KCNIP4: variants seen among roughly 807,000 people sequenced by gnomAD.
The protein encoded by KCNIP4 is potassium voltage-gated channel interacting protein 4.
Under a neutral mutation model 34.0 loss-of-function variants are expected in KCNIP4, and 12 were observed. The ratio of observed to expected loss-of-function variants is 0.35; its 90% CI spans 0.23 to 0.57. The LOEUF (loss-of-function observed/expected upper bound fraction) is 0.57, where lower values mean the gene tolerates loss of function less well. Ranked by LOEUF, KCNIP4 falls within the 20% of genes least tolerant of loss-of-function variation. The probability of loss-of-function intolerance (pLI) is 0.83; values close to 1 mark genes in which losing one functional copy is unlikely to be tolerated. For missense variants in KCNIP4, 238 were observed against 311.7 expected, an observed-to-expected ratio of 0.76 and a Z score of 1.78; for synonymous variants, 124 against 102.2, an observed-to-expected ratio of 1.21 and a Z score of -1.29.
At chr4:21,026,037 A>G (rs1382446381) in intron 1 of KCNIP4, among the ~76,000 whole-genome samples, 3 of 152,154 alleles carry the variant, frequency 2.0e-5, no homozygotes, top group Non-Finnish European at 4.4e-5. Context: ...CCCTGAAAAT[A>G]AAAACAAGTT....
At chr4:21,393,673 TC>T (rs1353737026) in intron 1 of KCNIP4, among the ~76,000 whole-genome samples, 3 of 152,186 alleles carry the variant, frequency 2.0e-5, no homozygotes, top group Admixed American at 1.3e-4. Context: ...TGAATTTTTT[TC>T]AATCAAAATT....
chr4:21,122,026 T>A (rs543867046), intron 1 of KCNIP4, among the ~76,000 whole-genome samples: 5 of 152,330 alleles, frequency 3.3e-5, no homozygotes, highest in African/African-American at 4.8e-5. Context: ...TCCTTCATCA[T>A]AAAGAGTTCA....
intron 1 of KCNIP4, among the ~76,000 whole-genome samples, chr4:20,968,901 A>G (rs910303442): frequency 6.6e-6 from 1 of 152,302 alleles, no homozygotes; most frequent in South Asian, 2.1e-4. Context: ...CGTTGTACAC[A>G]TGTACCCTAG....
intron 1 of KCNIP4, among the ~76,000 whole-genome samples, chr4:20,920,400 C>G (rs920509475): frequency 2.5e-4 from 38 of 152,168 alleles, no homozygotes; most frequent in African/African-American, 9.2e-4. Context: ...AAGTACAGTA[C>G]TTCTCATCTT....
Position 21,773,230 on chromosome 4 carries a change from G to C in KCNIP4, c.61+175341C>G, listed in dbSNP as rs148851803. ...TTTCCATGAAATTTTGTGGTTTTGA[G>C]TGAGATTCTTAATGCTGGGTTCTAA... On this transcript the variant is annotated intron_variant, in intron 1 of 8. Transcript: ENST00000382152. 4.6e-5 allele frequency among the ~76,000 whole-genome samples: 7 copies of C among 152,260 alleles called. No individual in the cohort carries two copies. The East Asian group carries it at 1.4e-3, about 29-fold the overall frequency.
intron 1 of KCNIP4, among the ~76,000 whole-genome samples, chr4:21,423,127 C>G (rs1477506266): frequency 1.3e-5 from 2 of 152,154 alleles, no homozygotes; most frequent in Non-Finnish European, 2.9e-5. Context: ...CAAGGGAACT[C>G]TCTTCCAATG....
Position 21,661,335 on chromosome 4 carries a change from C to T in KCNIP4, c.61+287236G>A, listed in dbSNP as rs113601826. On this transcript the variant is annotated intron_variant, in intron 1 of 8. Coordinates refer to ENST00000382152, the MANE Select transcript of KCNIP4 (RefSeq NM_025221.6). ...CAGTGGGTACGGGAACCCAAAAAGG[C>T]TGTCACACTGACTCTTCACTGAGCC... Among the ~76,000 whole-genome samples, 171 of 152,208 alleles carry T rather than the reference C, an allele frequency of 1.1e-3. 2 individuals are homozygous for T. The highest frequency in any genetic ancestry group is 3.9e-3 in the African/African-American group (161 of 41,488).
chr4:21,845,595 A>G (rs1439737378), intron 1 of KCNIP4: 1 of 152,026 alleles, frequency 6.6e-6, no homozygotes, highest in Admixed American at 6.6e-5. Context: ...TTTCTTGCAA[A>G]AGGAAGTTAC....
At chr4:21,112,225 CCAAAGAT>C (rs1749279454) in intron 1 of KCNIP4, among the ~76,000 whole-genome samples, 1 of 152,068 alleles carries the variant, frequency 6.6e-6, no homozygotes, top group Admixed American at 6.5e-5. Context: ...CTTGAGGAAC[CCAAAGAT>C]CAATATTTTT....
At chr4:21,901,337 T>C (rs1160411506) in intron 1 of KCNIP4, among the ~76,000 whole-genome samples, 3 of 152,240 alleles carry the variant, frequency 2.0e-5, no homozygotes, top group Non-Finnish European at 4.4e-5. Context: ...TTAAATTCCC[T>C]TCAAACAGCG....
At chr4:21,461,716 A>C (rs1729480661) in intron 1 of KCNIP4, among the ~76,000 whole-genome samples, 1 of 151,834 alleles carries the variant, frequency 6.6e-6, no homozygotes, top group South Asian at 2.1e-4. Flanking sequence ...CGGGCTGTTC[A>C]TCTGCTTGCC....
chr4:21,188,704 TGAGTAGCATCCCCTCACAA>T (rs1755419510), intron 1 of KCNIP4, among the ~76,000 whole-genome samples: 1 of 152,230 alleles, frequency 6.6e-6, no homozygotes, highest in South Asian at 2.1e-4. Flanking sequence ...ATGTCTTTTT[TGAGTAGCATCCCCTCACAA>T]GAGTAGCATC....
intron 1 of KCNIP4, among the ~76,000 whole-genome samples, chr4:21,599,326 T>A (rs574952763): frequency 7.0e-4 from 107 of 152,202 alleles, no homozygotes; most frequent in Middle Eastern, 3.4e-3. Flanking sequence ...AGAGTGTTTT[T>A]AAAATAAAGT....
intron 3 of KCNIP4, among the ~76,000 whole-genome samples, chr4:20,805,688 C>G (rs1246735955): frequency 6.6e-6 from 1 of 152,138 alleles, no homozygotes; most frequent in Non-Finnish European, 1.5e-5. Flanking sequence ...AGACTACAAA[C>G]TGATCTCTGT....
intron 1 of KCNIP4, among the ~76,000 whole-genome samples, chr4:21,446,630 T>TG (rs1188963949): frequency 1.8e-5 from 1 of 55,856 alleles, no homozygotes; most frequent in Non-Finnish European, 3.2e-5. Context: ...TGTTGTGGGG[T>TG]GGGGGGAGGG....
intron 1 of KCNIP4, among the ~76,000 whole-genome samples, chr4:21,217,398 A>T (rs929073198): frequency 6.6e-5 from 10 of 151,978 alleles, no homozygotes; most frequent in Non-Finnish European, 1.2e-4. Flanking sequence ...ACATGTGGGC[A>T]AAGGCAAGTT....
intron 1 of KCNIP4, among the ~76,000 whole-genome samples, chr4:21,612,051 T>C (rs533730369): frequency 6.6e-6 from 1 of 152,354 alleles, no homozygotes; most frequent in Non-Finnish European, 1.5e-5. Flanking sequence ...GTCTTTTTAA[T>C]AACAATGCCT....
intron 1 of KCNIP4, among the ~76,000 whole-genome samples, chr4:21,547,090 C>G (rs1006376435): frequency 3.3e-5 from 5 of 151,990 alleles, no homozygotes; most frequent in Non-Finnish European, 7.4e-5. Context: ...CAAACCATGC[C>G]CCTGAGACTG....
intron 1 of KCNIP4, among the ~76,000 whole-genome samples, chr4:21,002,455 C>A (rs1049815089): frequency 3.9e-5 from 6 of 152,218 alleles, no homozygotes; most frequent in African/African-American, 1.2e-4. Flanking sequence ...AGTGCTGAAT[C>A]CCATGTAAAA....
Sources: allele counts gnomAD v4.1 joint callset (sites outside exome capture counted in the v4.1 genomes callset), GRCh38; gene constraint gnomAD v4.1.1; transcripts MANE v1.5; gene names NCBI Gene and HGNC (gene_info 2026-07-23, HGNC 2026-07-21).